Variants in DGKI observed in about 807,000 individuals in gnomAD.
The protein encoded by DGKI is DAG kinase iota.
A neutral mutation model predicts 147.5 loss-of-function variants in DGKI; 55 were observed. The observed-to-expected ratio is 0.37, with a 90% confidence interval of 0.30 to 0.47. DGKI has a LOEUF of 0.47. DGKI is among the 20% of genes least tolerant of loss of function. The pLI, the probability that DGKI is intolerant of heterozygous loss-of-function variation, is 1.00. For missense variants in DGKI, 1,007 were observed against 1,323.8 expected (o/e 0.76, Z 3.71); for synonymous variants, 469 against 477.1 (o/e 0.98, Z 0.22).
rs182442048 is a variant in DGKI, at chr7:137,684,598, A to T, written c.510+5296T>A. 9.2e-5 allele frequency among the ~76,000 whole-genome samples: 14 copies of T among 152,286 alleles called. No homozygotes were observed. In the East Asian group the frequency reaches 2.5e-3, roughly 27 times the overall value. On this transcript the variant is annotated intron_variant, in intron 2 of 32. Coordinates refer to ENST00000614521, the MANE Select transcript of DGKI (RefSeq NM_001321708.2). ...CTCGGCAGCCAGGGTGATTTGATTT[A>T]AAAACTCCCCCGTTCTCAGAAAATA...
chr7:137,546,351 G>A (rs1817866330), intron 20 of DGKI, among the ~76,000 whole-genome samples: 1 of 152,078 alleles, frequency 6.6e-6, no homozygotes, highest in African/African-American at 2.4e-5. Context: ...AGGCTGGCAT[G>A]GTAAACTCAT....
chr7:137,452,819 T>A (rs1469823642), intron 27 of DGKI: 5 of 152,208 alleles, frequency 3.3e-5, no homozygotes, highest in African/African-American at 4.8e-5. Flanking sequence ...TTTACCTTTG[T>A]CACAGTTGGG....
At chr7:137,532,443 A>T (rs1817372883) in intron 20 of DGKI, among the ~76,000 whole-genome samples, 1 of 152,184 alleles carries the variant, frequency 6.6e-6, no homozygotes, top group Non-Finnish European at 1.5e-5. Context: ...TCAGAGAAAA[A>T]ATTATTGCAG....
intron 5 of DGKI, among the ~76,000 whole-genome samples, chr7:137,650,254 G>A (rs911164205): frequency 6.6e-6 from 1 of 152,130 alleles, no homozygotes; most frequent in Non-Finnish European, 1.5e-5. Context: ...GACATACTCT[G>A]TGTTTTGGTG....
intron 1 of DGKI, among the ~76,000 whole-genome samples, chr7:137,733,920 A>G (rs1016700602): frequency 1.3e-5 from 2 of 152,124 alleles, no homozygotes; most frequent in African/African-American, 2.4e-5. Flanking sequence ...CTACTTCTCC[A>G]TTACTAATGC....
chr7:137,538,891 T>C (rs1166996338), intron 20 of DGKI, among the ~76,000 whole-genome samples: 2 of 152,054 alleles, frequency 1.3e-5, no homozygotes, highest in Non-Finnish European at 1.5e-5. Flanking sequence ...CCAATCCCTC[T>C]CTCTCCAATA....
rs761583087 is a variant in DGKI at position 137,609,587 on chromosome 7, C to G, written c.1016G>C (p.Arg339Pro). The change falls in exon 9 of 33, where the codon CGG (arginine) becomes CCG (proline). Residue 339 changes from arginine to proline, a missense_variant. Coordinates refer to ENST00000614521, the MANE Select transcript of DGKI (RefSeq NM_001321708.2). Reference protein sequence around the residue: ...KPQNSLKASNRKKKRTSFKRK... With the variant: ...KPQNSLKASNPKKKRTSFKRK... ...TTTAAAGCTTGTTCTCTTCTTCTTC[C>G]GATTTGAAGCCTTCAGGGAGTTCTG... is the stretch of plus-strand genomic sequence containing the variant. 6.2e-7 allele frequency: 1 copy of G among 1,613,268 alleles called. No homozygotes were observed. Among genetic ancestry groups the G allele is most frequent in the Non-Finnish European group, 8.5e-7 (1 of 1,179,542 alleles).
rs193298155 is a variant in DGKI, at chr7:137,651,970, G to C, written c.738+2762C>G. ...GAAGCAATTTCAGTAAATGGGTAGA[G>C]TAGATATCAGATCAGAACAGGTTAC... On this transcript the variant is annotated intron_variant, in intron 5 of 32. Coordinates refer to ENST00000614521, the MANE Select transcript of DGKI (RefSeq NM_001321708.2). Among the ~76,000 whole-genome samples the C allele has an allele frequency of 6.2e-4, 94 of 152,282 alleles. 1 individual carries two copies. Among genetic ancestry groups the C allele is most frequent in the Middle Eastern group, 6.8e-3 (2 of 294 alleles).
intron 1 of DGKI, among the ~76,000 whole-genome samples, chr7:137,828,774 CA>C (rs1798136277): frequency 6.6e-6 from 1 of 152,216 alleles, no homozygotes; most frequent in South Asian, 2.1e-4. Flanking sequence ...CCCTAGGAAT[CA>C]GGGGAGCCAC....
chr7:137,774,666 T>C (rs1476307723), intron 1 of DGKI: 1 of 152,162 alleles, frequency 6.6e-6, no homozygotes, highest in Non-Finnish European at 1.5e-5. Flanking sequence ...ATTCGAGTGC[T>C]CAGGAAGCCT....
chr7:137,759,715 T>C (rs13235694), intron 1 of DGKI, among the ~76,000 whole-genome samples: 57,070 of 151,724 alleles, frequency 0.38, 11,183 homozygotes, highest in African/African-American at 0.51. Flanking sequence ...GGAAAAAGAT[T>C]TCCAAGAAAT....
At chr7:137,394,660 T>C (rs1030156931) in intron 32 of DGKI, among the ~76,000 whole-genome samples, 3 of 152,212 alleles carry the variant, frequency 2.0e-5, no homozygotes, top group African/African-American at 7.2e-5. Flanking sequence ...CATGTCACAG[T>C]ACAATATCTG....
At chr7:137,652,483 C>A (rs1156338928) in intron 5 of DGKI, among the ~76,000 whole-genome samples, 1 of 152,090 alleles carries the variant, frequency 6.6e-6, no homozygotes, top group East Asian at 1.9e-4. Flanking sequence ...TTGAAACAAC[C>A]CCTTCTAGTT....
chr7:137,469,269 C>CT (rs1364242671), intron 24 of DGKI, among the ~76,000 whole-genome samples: 3 of 152,160 alleles, frequency 2.0e-5, no homozygotes, highest in African/African-American at 7.2e-5. Context: ...GGCAGTCAAG[C>CT]TTTAAGAAAA....
At chr7:137,621,409 C>T (rs1042757558) in intron 7 of DGKI, among the ~76,000 whole-genome samples, 2 of 152,122 alleles carry the variant, frequency 1.3e-5, no homozygotes, top group Non-Finnish European at 2.9e-5. Flanking sequence ...GAGGTACATC[C>T]AAGATTGCAC....
In DGKI at chr7:137,582,101, A is replaced by G. The variant is rs534581779; in HGVS notation, c.1564-173T>C. ...GAACAGGAAATTATTGGATTAATTC[A>G]TGAGTGAAAGCTAAAATCAAGTAAT... is the stretch of plus-strand genomic sequence containing the variant. On this transcript the variant is annotated intron_variant, in intron 14 of 32. Transcript: ENST00000614521. 2.0e-5 allele frequency among the ~76,000 whole-genome samples: 3 copies of G among 152,320 alleles called. No individual in the cohort carries two copies. In the East Asian group the frequency reaches 5.8e-4, roughly 29 times the overall value.
chr7:137,487,608 ACCT>A lies in DGKI; in HGVS notation c.2327_2328+1del, dbSNP rs1177544901. On this transcript the variant is annotated splice_donor_variant and coding_sequence_variant, in exon 22 of 33. Transcript: ENST00000614521. LOFTEE classifies it high-confidence loss of function. ...AATAAAAAATTGGCTAAATAAACTC[ACCT>A]CCTGTAGGCGGTCTATGTACATACG... The A allele has an allele frequency of 6.2e-7, 1 of 1,612,970 alleles. No homozygotes were observed. Among genetic ancestry groups the A allele is most frequent in the Non-Finnish European group, 8.5e-7 (1 of 1,179,382 alleles).
intron 7 of DGKI, 130 bp from the exon 8 acceptor site, chr7:137,620,070 A>C: frequency 1.5e-6 from 1 of 683,728 alleles, no homozygotes; most frequent in Non-Finnish European, 2.6e-6. Context: ...ACATGCACAA[A>C]AATACATATG....
intron 24 of DGKI, among the ~76,000 whole-genome samples, chr7:137,467,967 G>C (rs1459619503): frequency 1.3e-5 from 2 of 148,152 alleles, no homozygotes; most frequent in African/African-American, 2.5e-5. Flanking sequence ...CTGGGCAACA[G>C]AGTCAGACTC....
Sources: allele counts gnomAD v4.1 joint callset (sites outside exome capture counted in the v4.1 genomes callset), GRCh38; gene constraint gnomAD v4.1.1; transcripts MANE v1.5; gene names NCBI Gene and HGNC (gene_info 2026-07-23, HGNC 2026-07-21).